The following STAG1 variants were observed in gnomAD, a reference collection of about 807,000 sequenced individuals.
STAG1 encodes STAG1 cohesin complex component.
In STAG1, 26 loss-of-function variants were observed where a neutral mutation model predicts 170.9. That is an observed-to-expected ratio of 0.15 (90% CI 0.11 to 0.21). The LOEUF is 0.21. Ranked by LOEUF, STAG1 falls within the 10% of genes least tolerant of loss-of-function variation. The pLI is 1.00. For synonymous variants in STAG1, 514 were observed against 497.7 expected (o/e 1.03, Z -0.44); for missense variants, 964 against 1,509.5 (o/e 0.64, Z 5.99).
At chr3:136,341,316 CA>C in intron 31 of STAG1, 124 bp downstream of exon 31, 2 of 649,234 alleles carry the variant, frequency 3.1e-6, no homozygotes, top group East Asian at 2.7e-5. Context: ...TCCTATGCTG[CA>C]TAGCATATCA....
At chr3:136,746,812 G>A (rs1934956050) in intron 1 of STAG1, among the ~76,000 whole-genome samples, 1 of 151,898 alleles carries the variant, frequency 6.6e-6, no homozygotes, top group Non-Finnish European at 1.5e-5. Flanking sequence ...AAATTAGCCA[G>A]GCAGCCAGGC....
At chr3:136,750,031 C>T (rs1343948071) in intron 1 of STAG1, among the ~76,000 whole-genome samples, 1 of 151,954 alleles carries the variant, frequency 6.6e-6, no homozygotes, top group Non-Finnish European at 1.5e-5. Flanking sequence ...TTTCTTCTCA[C>T]AGCACTGAGA....
At chr3:136,491,108 C>A (rs1203483678) in intron 9 of STAG1, among the ~76,000 whole-genome samples, 1 of 151,978 alleles carries the variant, frequency 6.6e-6, no homozygotes, top group Admixed American at 6.6e-5. Flanking sequence ...CTCTCTAATA[C>A]ATTTCTTTCT....
chr3:136,751,756 A>AGCCCGCGTCG (rs1470389101), intron 1 of STAG1, among the ~76,000 whole-genome samples: 2 of 151,366 alleles, frequency 1.3e-5, no homozygotes, highest in African/African-American at 4.8e-5. Context: ...CATTCGCGCC[A>AGCCCGCGTCG]GCCCGCGTCG....
At chr3:136,708,883 C>T (rs184084080) in intron 1 of STAG1, among the ~76,000 whole-genome samples, 1 of 151,134 alleles carries the variant, frequency 6.6e-6, no homozygotes, top group Non-Finnish European at 1.5e-5. Context: ...CAGCTCACTG[C>T]AGCCTCAACC....
At chr3:136,721,180 T>A (rs1933239399) in intron 1 of STAG1, among the ~76,000 whole-genome samples, 1 of 152,052 alleles carries the variant, frequency 6.6e-6, no homozygotes, top group Non-Finnish European at 1.5e-5. Flanking sequence ...AGAGAAAGTC[T>A]TCAAAAAAGA....
intron 3 of STAG1, among the ~76,000 whole-genome samples, chr3:136,607,991 T>G (rs1415480050): frequency 6.6e-6 from 1 of 152,040 alleles, no homozygotes; most frequent in Non-Finnish European, 1.5e-5. Flanking sequence ...GCACAATGGC[T>G]CACGCCTGTA....
intron 4 of STAG1, among the ~76,000 whole-genome samples, chr3:136,593,012 T>C (rs1402145718): frequency 6.6e-6 from 1 of 152,158 alleles, no homozygotes; most frequent in African/African-American, 2.4e-5. Flanking sequence ...GGTCTTCCTT[T>C]TCCAAATTGT....
intron 9 of STAG1, among the ~76,000 whole-genome samples, chr3:136,489,341 C>T (rs2090078012): frequency 6.6e-6 from 1 of 152,126 alleles, no homozygotes; most frequent in South Asian, 2.1e-4. Context: ...TTATTTTCTG[C>T]TTATAACAAA....
chr3:136,505,399 G>A lies in STAG1; in HGVS notation c.677-2620C>T, dbSNP rs1244049376. ...CTGACCACAACAAGTTTATTAGAAG[G>A]TCATTATGAGCAAAAAATTGAAAAC... On this transcript the variant is annotated intron_variant, in intron 7 of 33. Transcript: ENST00000383202. Among the ~76,000 whole-genome samples the A allele has an allele frequency of 3.3e-5, 5 of 152,268 alleles. No individual in the cohort carries two copies. In the East Asian group the frequency reaches 9.6e-4, roughly 29 times the overall value.
intron 13 of STAG1, among the ~76,000 whole-genome samples, chr3:136,463,874 CATACATATATACTTATAT>C (rs906873664): frequency 1.2e-4 from 17 of 144,962 alleles, no homozygotes; most frequent in Non-Finnish European, 2.1e-4. Flanking sequence ...TATATACATA[CATACATATATACTTATAT>C]ATACATATAT....
intron 28 of STAG1, among the ~76,000 whole-genome samples, chr3:136,355,993 T>C (rs1048200346): frequency 6.6e-6 from 1 of 152,052 alleles, no homozygotes; most frequent in African/African-American, 2.4e-5. Flanking sequence ...CTCCCACTAA[T>C]ATTCAACACC....
At chr3:136,730,998 GT>G (rs1934010376) in intron 1 of STAG1, among the ~76,000 whole-genome samples, 1 of 152,180 alleles carries the variant, frequency 6.6e-6, no homozygotes, top group Non-Finnish European at 1.5e-5. Flanking sequence ...AAGTTTCTAA[GT>G]AATGCTGACA....
chr3:136,724,673 C>T (rs539617688), intron 1 of STAG1, among the ~76,000 whole-genome samples: 75 of 151,750 alleles, frequency 4.9e-4, no homozygotes, highest in African/African-American at 1.8e-3. Context: ...TTATTTTCTC[C>T]AGCTGTGCTC....
chr3:136,699,028 G>GT (rs759508287), intron 1 of STAG1, among the ~76,000 whole-genome samples: 2 of 152,008 alleles, frequency 1.3e-5, no homozygotes, highest in East Asian at 3.9e-4. Flanking sequence ...ACATAAAGGC[G>GT]TAAGAATGAT....
At chr3:136,720,164 G>C (rs1419342134) in intron 1 of STAG1, among the ~76,000 whole-genome samples, 1 of 118,262 alleles carries the variant, frequency 8.5e-6, no homozygotes, top group South Asian at 2.7e-4. Flanking sequence ...CAACAAGAGC[G>C]AAATTCCGTC....
At chr3:136,368,469 T>G (rs1038379215) in intron 24 of STAG1, among the ~76,000 whole-genome samples, 1 of 152,144 alleles carries the variant, frequency 6.6e-6, no homozygotes, top group Non-Finnish European at 1.5e-5. Flanking sequence ...AATGACCACT[T>G]AGGAACAGAA....
In STAG1 at chr3:136,692,441, C is replaced by A. The variant is rs527289481; in HGVS notation, c.-84+59754G>T. Among the ~76,000 whole-genome samples, 93 of 151,976 alleles carry A rather than the reference C, an allele frequency of 6.1e-4. 1 individual carries two copies. Among genetic ancestry groups the A allele is most frequent in the African/African-American group, 1.7e-3 (69 of 41,426 alleles). On this transcript the variant is annotated intron_variant, in intron 1 of 33. Coordinates refer to ENST00000383202, the MANE Select transcript of STAG1 (RefSeq NM_005862.3). Reference sequence around the variant, plus strand: ...CCTGAGGTCAAGAGTTCGAGACCAGCCTGCTTAACATGGTGAAACCCTACC... The same window carrying A: ...CCTGAGGTCAAGAGTTCGAGACCAGACTGCTTAACATGGTGAAACCCTACC...
chr3:136,391,400 C>CA (rs1484914924), intron 22 of STAG1, among the ~76,000 whole-genome samples: 1 of 130,332 alleles, frequency 7.7e-6, no homozygotes, highest in Non-Finnish European at 1.6e-5. Flanking sequence ...TTTTTTGAGA[C>CA]AGAGTCTCAC....
Sources: allele counts gnomAD v4.1 joint callset (sites outside exome capture counted in the v4.1 genomes callset), GRCh38; gene constraint gnomAD v4.1.1; transcripts MANE v1.5; gene names NCBI Gene and HGNC (gene_info 2026-07-23, HGNC 2026-07-21).